The following NEBL variants were observed in gnomAD, a reference collection of about 807,000 sequenced individuals.
NEBL encodes LIM and SH3 protein 2.
A neutral mutation model predicts 140.2 loss-of-function variants in NEBL; 122 were observed. The observed-to-expected ratio is 0.87, with a 90% CI of 0.75 to 1.01. NEBL has a LOEUF of 1.01. NEBL is among the 50% of genes least tolerant of loss of function. The pLI, the probability that NEBL is intolerant of heterozygous loss-of-function variation, is 0.00. For missense variants in NEBL, 1,365 were observed against 1,231.3 expected (o/e 1.11, Z -1.62); for synonymous variants, 436 against 398.9 (o/e 1.09, Z -1.11).
chr10:21,061,609 C>T (rs1191687464), intron 2 of NEBL, among the ~76,000 whole-genome samples: 1 of 150,298 alleles, frequency 6.7e-6, no homozygotes, highest in Non-Finnish European at 1.5e-5. Flanking sequence ...ACTTATCTGA[C>T]GTTGGGATGA....
intron 9 of NEBL, among the ~76,000 whole-genome samples, chr10:20,855,290 C>T (rs1204392578): frequency 6.7e-6 from 1 of 148,502 alleles, no homozygotes; most frequent in Admixed American, 6.7e-5. Flanking sequence ...GATAATAATA[C>T]AGACTTTATA....
rs1380157536 is a variant in NEBL, at chr10:20,794,018, T to C, written c.2762-6710A>G. Among the ~76,000 whole-genome samples, 3 of 152,208 alleles carry C rather than the reference T, an allele frequency of 2.0e-5. No individual in the cohort carries two copies. The South Asian group carries it at 6.2e-4, about 32-fold the overall frequency. On this transcript the variant is annotated intron_variant, in intron 26 of 27. Transcript: ENST00000377122. ...CCCCCAGTGCTTTGTTTCCAATATC[T>C]GTGGAGGCGAATGTTTGAACCTGGG...
chr10:21,225,272 G>C (rs971025143), intron 3 of NEBL, among the ~76,000 whole-genome samples: 1 of 152,096 alleles, frequency 6.6e-6, no homozygotes, highest in South Asian at 2.1e-4. Flanking sequence ...CCATGGAGCT[G>C]GGGGAGAGGT....
chr10:20,807,993 A>C (rs1319766077), intron 26 of NEBL, among the ~76,000 whole-genome samples: 2 of 151,894 alleles, frequency 1.3e-5, no homozygotes, highest in Non-Finnish European at 2.9e-5. Flanking sequence ...AAAAAAAAAA[A>C]AAACCCTCTC....
chr10:20,969,469 TA>T (rs60300897), intron 3 of NEBL, among the ~76,000 whole-genome samples: 2,030 of 139,698 alleles, frequency 0.015, 14 homozygotes, highest in African/African-American at 0.031. Flanking sequence ...TTCTTTTACT[TA>T]AAAAAAAAAA....
chr10:21,061,221 G>A (rs1835262553), intron 2 of NEBL, among the ~76,000 whole-genome samples: 1 of 109,836 alleles, frequency 9.1e-6, no homozygotes, highest in African/African-American at 3.7e-5. Flanking sequence ...ATAGAGAGAT[G>A]TGGCATTATA....
At chr10:21,040,158 G>GCCGATGAAACCTGGC (rs1834206638) in intron 2 of NEBL, among the ~76,000 whole-genome samples, 1 of 151,912 alleles carries the variant, frequency 6.6e-6, no homozygotes, top group African/African-American at 2.4e-5. Context: ...ACGAGGTCAG[G>GCCGATGAAACCTGGC]AGATTGAGAC....
rs971207880 is a variant in NEBL at position 21,005,720 on chromosome 10, C to G, written c.249+14397G>C. ...CTGCACTTCAGCCTGGGTGACAGAGCAAGTGTCTCAAAACAATAATAATAA... is the reference window on the plus strand; with the variant it reads ...CTGCACTTCAGCCTGGGTGACAGAGGAAGTGTCTCAAAACAATAATAATAA... On this transcript the variant is annotated intron_variant, in intron 3 of 6. Transcript: ENST00000417816. Among the ~76,000 whole-genome samples the G allele has an allele frequency of 4.6e-5, 7 of 151,868 alleles. No individual in the cohort carries two copies. In the East Asian group the frequency reaches 1.3e-3, roughly 29 times the overall value.
At chr10:21,112,589 G>C (rs1355178481) in intron 2 of NEBL, among the ~76,000 whole-genome samples, 1 of 151,450 alleles carries the variant, frequency 6.6e-6, no homozygotes, top group Admixed American at 6.6e-5. Flanking sequence ...GGGCCTGTCG[G>C]GGGGTGGGGG....
At chr10:20,798,995 A>G (rs926506594) in intron 26 of NEBL, among the ~76,000 whole-genome samples, 1 of 152,218 alleles carries the variant, frequency 6.6e-6, no homozygotes, top group Non-Finnish European at 1.5e-5. Flanking sequence ...TAGGGACGTA[A>G]CAGAATGAAC....
chr10:21,043,090 G>C (rs633714), intron 2 of NEBL, among the ~76,000 whole-genome samples: 1 of 151,962 alleles, frequency 6.6e-6, no homozygotes, highest in Non-Finnish European at 1.5e-5. Context: ...AGCTCTTCTA[G>C]AGACTTAAAT....
intron 3 of NEBL, among the ~76,000 whole-genome samples, chr10:21,230,687 C>T (rs1842236463): frequency 6.6e-6 from 1 of 151,686 alleles, no homozygotes. Flanking sequence ...TCACTGCAAC[C>T]TCCGCCCCCT....
intron 1 of NEBL, among the ~76,000 whole-genome samples, chr10:21,282,067 G>A (rs1842999737): frequency 6.6e-6 from 1 of 152,178 alleles, no homozygotes; most frequent in Non-Finnish European, 1.5e-5. Context: ...TGCAAGTGTG[G>A]GATTTGTGCG....
intron 26 of NEBL, among the ~76,000 whole-genome samples, chr10:20,790,629 A>G (rs746431176): frequency 6.6e-6 from 1 of 151,934 alleles, no homozygotes; most frequent in Non-Finnish European, 1.5e-5. Flanking sequence ...CAAACAAACA[A>G]AAAAACAAAG....
At chr10:21,260,986 A>G (rs1842731454) in intron 1 of NEBL, among the ~76,000 whole-genome samples, 1 of 152,126 alleles carries the variant, frequency 6.6e-6, no homozygotes, top group South Asian at 2.1e-4. Flanking sequence ...AAGCATTTCC[A>G]TTTCAGTCAG....
chr10:21,153,682 A>T lies in NEBL; in HGVS notation c.164+18701T>A, dbSNP rs139481324. On this transcript the variant is annotated intron_variant, in intron 2 of 6. Coordinates refer to the NEBL transcript ENST00000417816. ...AGATGCACACCACCACAACCAGCTAATTTTTGTATTTTCAGTACAGACGGG... is the reference window on the plus strand; with the variant it reads ...AGATGCACACCACCACAACCAGCTATTTTTTGTATTTTCAGTACAGACGGG... Among the ~76,000 whole-genome samples the T allele has an allele frequency of 2.0e-3, 306 of 152,098 alleles. 1 individual carries two copies. Among genetic ancestry groups the T allele is most frequent in the Non-Finnish European group, 3.3e-3 (223 of 67,982 alleles).
At chr10:20,975,004 C>T (rs952183) in intron 3 of NEBL, among the ~76,000 whole-genome samples, 31,110 of 152,030 alleles carry the variant, frequency 0.2, 6,945 homozygotes, top group African/African-American at 0.55. Flanking sequence ...CGATATAATT[C>T]CATGGTGTTA....
At chr10:21,160,189 GAA>G (rs527390723) in intron 2 of NEBL, among the ~76,000 whole-genome samples, 2 of 142,114 alleles carry the variant, frequency 1.4e-5, no homozygotes, top group East Asian at 2.0e-4. Flanking sequence ...ACTGTATAAA[GAA>G]AAAAAAAAAA....
At chr10:20,790,845 G>A (rs1835892854) in intron 26 of NEBL, among the ~76,000 whole-genome samples, 1 of 152,184 alleles carries the variant, frequency 6.6e-6, no homozygotes. Flanking sequence ...GCTATTCCAT[G>A]TATGAGATTT....
Sources: gnomAD v4.1 joint callset for allele counts (sites outside exome capture counted in the v4.1 genomes callset) on GRCh38, gnomAD v4.1.1 for gene constraint, MANE v1.5 for transcripts, NCBI Gene and HGNC (gene_info 2026-07-23, HGNC 2026-07-21) for gene names.